The following MCTP2 variants were observed in gnomAD, a reference collection of about 807,000 sequenced individuals.
MCTP2 encodes multiple C2 and transmembrane domain containing 2, also known as multiple C2 and transmembrane domain-containing protein 2.
A neutral mutation model predicts 111.6 loss-of-function variants in MCTP2; 132 were observed. That is an observed-to-expected ratio of 1.18 (90% CI 1.03 to 1.37). The LOEUF (loss-of-function observed/expected upper bound fraction) is 1.37, where lower values mean the gene tolerates loss of function less well. MCTP2 is among the 40% of genes most tolerant of loss of function. MCTP2 has a pLI of 0.00. For missense variants in MCTP2, 1,183 were observed against 1,067.9 expected, an observed-to-expected ratio of 1.11 and a Z score of -1.50; for synonymous variants, 395 against 387.7, an observed-to-expected ratio of 1.02 and a Z score of -0.22.
At chr15:94,399,167 G>A in intron 15 of MCTP2, 105 bp downstream of exon 15, 1 of 656,792 alleles carries the variant, frequency 1.5e-6, no homozygotes, top group Non-Finnish European at 2.7e-6. Context: ...AATTTTTGCA[G>A]CTACAGAGAG....
chr15:94,396,876 A>G lies in MCTP2; in HGVS notation c.1789-2085A>G, dbSNP rs576596910. Among the ~76,000 whole-genome samples, 4 of 152,334 alleles carry G rather than the reference A, an allele frequency of 2.6e-5. No homozygotes were observed. The South Asian group carries it at 6.2e-4, about 24-fold the overall frequency. Reference sequence around the variant, plus strand: ...ACCTAGATACTAATATAAACAGATTACCAAGTCATATTGATAGATACAAAA... The same window carrying G: ...ACCTAGATACTAATATAAACAGATTGCCAAGTCATATTGATAGATACAAAA... On this transcript the variant is annotated intron_variant, in intron 14 of 22. Coordinates refer to ENST00000357742, the MANE Select transcript of MCTP2 (RefSeq NM_001385001.1).
At chr15:94,246,518 C>T (rs771291466) in intron 1 of MCTP2, among the ~76,000 whole-genome samples, 10 of 152,150 alleles carry the variant, frequency 6.6e-5, no homozygotes, top group African/African-American at 1.7e-4. Flanking sequence ...GGTGGAGAGA[C>T]TCATTTAACT....
intron 8 of MCTP2, 151 bp from the exon 9 acceptor site, chr15:94,355,986 G>A: frequency 7.6e-7 from 1 of 1,314,284 alleles, no homozygotes; most frequent in Non-Finnish European, 9.7e-7. Context: ...GTGACAGCAG[G>A]TTTGCAAAAC....
Position 94,479,439 on chromosome 15 carries a change from C to G in MCTP2, c.*405C>G. The G allele has an allele frequency of 4.9e-6, 1 of 202,882 alleles. No individual in the cohort carries two copies. Among genetic ancestry groups the G allele is most frequent in the African/African-American group, 2.2e-5 (1 of 44,500 alleles). 12.6% of individuals were successfully genotyped at this position (202,882 alleles called of 1,614,324 possible). On this transcript the variant is annotated 3_prime_UTR_variant, in exon 23 of 23. Transcript: ENST00000357742. Reference sequence around the variant, plus strand: ...TTAAGATTCAGTTATTTCCGCTCCCCAGCCCCACACTCCTTTCAGATTATC... The same window carrying G: ...TTAAGATTCAGTTATTTCCGCTCCCGAGCCCCACACTCCTTTCAGATTATC...
intron 14 of MCTP2, among the ~76,000 whole-genome samples, chr15:94,395,096 A>C (rs878864159): frequency 6.6e-6 from 1 of 152,212 alleles, no homozygotes; most frequent in Admixed American, 6.5e-5. Flanking sequence ...CCTGATTCCA[A>C]GTGGTGACAA....
At position 94,340,939 on chromosome 15, in the gene MCTP2, C is replaced by T. The variant is rs780142899; in HGVS notation, c.969+15C>T. On this transcript the variant is annotated intron_variant, in intron 7 of 22. Coordinates refer to ENST00000357742, the MANE Select transcript of MCTP2 (RefSeq NM_001385001.1). Reference sequence around the variant, plus strand: ...TCAAGAGACACGTAAGTGGGACCTTCTATTCTTTTGAAACCTCTCATTTTG... The same window carrying T: ...TCAAGAGACACGTAAGTGGGACCTTTTATTCTTTTGAAACCTCTCATTTTG... 8 of 1,514,086 alleles carry T rather than the reference C, an allele frequency of 5.3e-6. No homozygotes were observed. The highest frequency in any genetic ancestry group is 1.7e-5 in the Admixed American group (1 of 59,798). The allele number at this position is 1,514,086 out of a possible 1,614,324, so 93.8% of individuals were successfully genotyped here.
chr15:94,379,072 T>G (rs556510997), intron 12 of MCTP2, among the ~76,000 whole-genome samples: 75 of 149,766 alleles, frequency 5.0e-4, no homozygotes, highest in African/African-American at 1.7e-3. Context: ...TGTTTTTTGT[T>G]TTTTTTTTTA....
chr15:94,349,033 C>G (rs11634342), intron 8 of MCTP2, among the ~76,000 whole-genome samples: 2 of 151,614 alleles, frequency 1.3e-5, no homozygotes, highest in East Asian at 3.9e-4. Flanking sequence ...TTTATCTACC[C>G]GTCTCTATCT....
At chr15:94,419,809 T>A (rs918725500) in intron 17 of MCTP2, among the ~76,000 whole-genome samples, 1 of 152,038 alleles carries the variant, frequency 6.6e-6, no homozygotes, top group South Asian at 2.1e-4. Flanking sequence ...TCTAACAAGT[T>A]TATTGGCACC....
At chr15:94,280,275 T>A (rs1230798310) in intron 1 of MCTP2, among the ~76,000 whole-genome samples, 1 of 152,058 alleles carries the variant, frequency 6.6e-6, no homozygotes, top group Non-Finnish European at 1.5e-5. Flanking sequence ...TATTAGTGAT[T>A]CAATTTCAGA....
At chr15:94,245,732 ATATC>A (rs1243308210) in intron 1 of MCTP2, among the ~76,000 whole-genome samples, 10 of 148,378 alleles carry the variant, frequency 6.7e-5, no homozygotes, top group Admixed American at 2.7e-4. Flanking sequence ...ATATATATAT[ATATC>A]TATATAGACA....
chr15:94,476,234 C>G (rs1366985103), intron 21 of MCTP2: 2 of 153,342 alleles, frequency 1.3e-5, no homozygotes, highest in African/African-American at 4.8e-5. Context: ...AGCCTCCAAG[C>G]AGGGACTTGT....
At chr15:94,342,790 ATATT>A (rs1406094068) in intron 7 of MCTP2, 1 of 150,986 alleles carries the variant, frequency 6.6e-6, no homozygotes, top group Non-Finnish European at 1.5e-5. Flanking sequence ...ACATACATAT[ATATT>A]TATCTCCATA....
At chr15:94,412,536 T>C (rs957557958) in intron 17 of MCTP2, among the ~76,000 whole-genome samples, 2 of 152,122 alleles carry the variant, frequency 1.3e-5, no homozygotes, top group African/African-American at 4.8e-5. Context: ...ACAAGGATGA[T>C]GATGATGATG....
Position 94,315,608 on chromosome 15 carries a change from G to A in MCTP2, c.608G>A (p.Gly203Asp), listed in dbSNP as rs201530723. Residue 203 changes from glycine (G) to aspartate (D), a missense_variant, in exon 4 of 23, where the codon GGC becomes GAC. Transcript: ENST00000357742. Reference sequence around the variant, plus strand: ...CTCCTCACCATACACCTGAAGGAAGGCCGGAACCTGGTTGTCCGAGATCGC... The same window carrying A: ...CTCCTCACCATACACCTGAAGGAAGACCGGAACCTGGTTGTCCGAGATCGC... Reference protein sequence around the residue: ...AYLLTIHLKEGRNLVVRDRCG... With the variant: ...AYLLTIHLKEDRNLVVRDRCG... The A allele has an allele frequency of 1.3e-4, 216 of 1,614,076 alleles. 1 individual carries two copies. The Admixed American group carries it at 3.5e-3, about 26-fold the overall frequency.
At chr15:94,363,247 G>A (rs2079030424) in intron 10 of MCTP2, among the ~76,000 whole-genome samples, 1 of 152,138 alleles carries the variant, frequency 6.6e-6, no homozygotes, top group South Asian at 2.1e-4. Flanking sequence ...TGAGGATTCA[G>A]TGGACAGTGA....
At chr15:94,307,330 T>C (rs575178070) in intron 2 of MCTP2, among the ~76,000 whole-genome samples, 2 of 152,110 alleles carry the variant, frequency 1.3e-5, no homozygotes, top group Non-Finnish European at 2.9e-5. Flanking sequence ...TCCGAGAAGA[T>C]AACCTTCACA....
chr15:94,479,567 A>G lies in MCTP2; in HGVS notation c.*533A>G, dbSNP rs2074623224. 1 of 153,786 alleles carries G rather than the reference A, an allele frequency of 6.5e-6. No homozygotes were observed. The highest frequency in any genetic ancestry group is 2.4e-5 in the African/African-American group (1 of 41,446). The allele number at this position is 153,786 out of a possible 1,614,324, so 9.5% of individuals were successfully genotyped here. ...AAAGGCATTTTTAATAATTACCAGA[A>G]TTAGCTCAAACCTTTAGGGATCTTT... On this transcript the variant is annotated 3_prime_UTR_variant, in exon 23 of 23. Coordinates refer to ENST00000357742, the MANE Select transcript of MCTP2 (RefSeq NM_001385001.1).
intron 19 of MCTP2, among the ~76,000 whole-genome samples, chr15:94,446,199 A>G (rs1488346858): frequency 6.6e-6 from 1 of 152,206 alleles, no homozygotes; most frequent in African/African-American, 2.4e-5. Context: ...TAGAACTTTC[A>G]GGTAACTAGG....
Sources: gnomAD v4.1 joint callset for allele counts (sites outside exome capture counted in the v4.1 genomes callset) on GRCh38, gnomAD v4.1.1 for gene constraint, MANE v1.5 for transcripts, NCBI Gene and HGNC (gene_info 2026-07-23, HGNC 2026-07-21) for gene names.